Variants in UTRN observed in about 807,000 individuals in gnomAD.
UTRN encodes the protein dystrophin-related protein 1.
In UTRN, 283 loss-of-function variants were observed where a neutral mutation model predicts 463.9. The ratio of observed to expected loss-of-function variants is 0.61; its 90% CI spans 0.55 to 0.67. UTRN has a LOEUF of 0.67. Among genes scored for constraint, UTRN ranks in the 30% least tolerant of loss-of-function variants. The pLI, the probability that UTRN is intolerant of heterozygous loss-of-function variation, is 0.00. For synonymous variants in UTRN, 1,442 were observed against 1,431.5 expected, an observed-to-expected ratio of 1.01 and a Z score of -0.17; for missense variants, 3,922 against 4,084.3, an observed-to-expected ratio of 0.96 and a Z score of 1.08.
At chr6:144,647,682 G>C (rs1332718055) in intron 51 of UTRN, among the ~76,000 whole-genome samples, 1 of 152,236 alleles carries the variant, frequency 6.6e-6, no homozygotes, top group African/African-American at 2.4e-5. Flanking sequence ...ATGCGGGAAT[G>C]TCTCCTATAA....
chr6:144,667,439 G>A (rs901212580), intron 51 of UTRN, among the ~76,000 whole-genome samples: 16 of 152,240 alleles, frequency 1.1e-4, no homozygotes, highest in Middle Eastern at 3.4e-3. Context: ...AAGTTGTCTT[G>A]TGATTTTAGG....
At chr6:144,467,561 A>G (rs1300053754) in intron 23 of UTRN, among the ~76,000 whole-genome samples, 2 of 152,114 alleles carry the variant, frequency 1.3e-5, no homozygotes, top group African/African-American at 4.8e-5. Flanking sequence ...TCTTCCTTCA[A>G]CTGTTGAACA....
intron 48 of UTRN, among the ~76,000 whole-genome samples, chr6:144,553,413 G>A (rs140156682): frequency 6.6e-6 from 1 of 152,240 alleles, no homozygotes; most frequent in African/African-American, 2.4e-5. Context: ...TGATAACTCA[G>A]CTGGAATGTT....
intron 74 of UTRN, among the ~76,000 whole-genome samples, chr6:144,848,303 T>A (rs565301411): frequency 3.3e-5 from 5 of 152,192 alleles, no homozygotes; most frequent in Non-Finnish European, 7.3e-5. Flanking sequence ...TGCAGGGTTG[T>A]AAGTTGCCCT....
intron 51 of UTRN, among the ~76,000 whole-genome samples, chr6:144,664,781 A>G (rs1049112304): frequency 2.0e-5 from 3 of 151,766 alleles, no homozygotes; most frequent in Non-Finnish European, 2.9e-5. Context: ...GACAATTACT[A>G]TCCCAGAAAC....
chr6:144,458,547 G>A (rs1023093981), intron 19 of UTRN, among the ~76,000 whole-genome samples: 2 of 152,076 alleles, frequency 1.3e-5, no homozygotes, highest in African/African-American at 4.8e-5. Flanking sequence ...TGCCTGAATC[G>A]TTATTTTAAA....
chr6:144,316,364 A>G (rs1775288483), intron 2 of UTRN, among the ~76,000 whole-genome samples: 1 of 152,210 alleles, frequency 6.6e-6, no homozygotes, highest in South Asian at 2.1e-4. Flanking sequence ...TCATGTTGAA[A>G]GAAAACATCG....
chr6:144,704,404 A>C (rs1183566003), intron 53 of UTRN, among the ~76,000 whole-genome samples: 1 of 152,236 alleles, frequency 6.6e-6, no homozygotes, highest in Non-Finnish European at 1.5e-5. Flanking sequence ...TACTCGGTAT[A>C]GATTAGCTGA....
intron 2 of UTRN, among the ~76,000 whole-genome samples, chr6:144,399,946 C>T (rs1782790611): frequency 6.6e-6 from 1 of 152,170 alleles, no homozygotes; most frequent in African/African-American, 2.4e-5. Flanking sequence ...TCTGTGTGAG[C>T]ATGTCAAAAG....
intron 51 of UTRN, among the ~76,000 whole-genome samples, chr6:144,664,022 G>A (rs6901336): frequency 1.9e-3 from 288 of 152,298 alleles, no homozygotes; most frequent in Middle Eastern, 6.8e-3. Context: ...GGAGGATACA[G>A]ACAAGGACAT....
intron 65 of UTRN, among the ~76,000 whole-genome samples, chr6:144,812,363 G>T (rs1778697323): frequency 6.6e-6 from 1 of 152,064 alleles, no homozygotes; most frequent in South Asian, 2.1e-4. Flanking sequence ...CTGGGGGAAG[G>T]GGGTTAGCTT....
At chr6:144,684,136 A>G (rs1342149381) in intron 52 of UTRN, among the ~76,000 whole-genome samples, 2 of 141,022 alleles carry the variant, frequency 1.4e-5, no homozygotes, top group East Asian at 4.1e-4. Context: ...TGCAACCTCC[A>G]CCTCCTGGGT....
At chr6:144,327,666 G>T (rs1483912102) in intron 2 of UTRN, among the ~76,000 whole-genome samples, 2 of 152,288 alleles carry the variant, frequency 1.3e-5, no homozygotes, top group East Asian at 3.9e-4. Flanking sequence ...GGACTGGGCT[G>T]CTCATGGTGG....
At position 144,780,567 on chromosome 6, in the gene UTRN, T is replaced by C. The variant is rs537294076; in HGVS notation, c.8633-1355T>C. On this transcript the variant is annotated intron_variant, in intron 60 of 74. Transcript: ENST00000367545. ...GAGTCATCTCCACACTCAATAAATGTATAGATAGATACATGGTAGTTTGAT... is the reference window on the plus strand; with the variant it reads ...GAGTCATCTCCACACTCAATAAATGCATAGATAGATACATGGTAGTTTGAT... 9.6e-4 allele frequency among the ~76,000 whole-genome samples: 146 copies of C among 152,338 alleles called. 1 individual carries two copies. Among genetic ancestry groups the C allele is most frequent in the Middle Eastern group, 6.8e-3 (2 of 294 alleles).
chr6:144,393,816 T>G (rs902179886), intron 2 of UTRN, among the ~76,000 whole-genome samples: 1 of 152,182 alleles, frequency 6.6e-6, no homozygotes, highest in Non-Finnish European at 1.5e-5. Flanking sequence ...TTGGCAGATT[T>G]GTTTGAGGGG....
intron 23 of UTRN, among the ~76,000 whole-genome samples, chr6:144,464,918 C>G (rs1038260974): frequency 2.0e-5 from 3 of 152,166 alleles, no homozygotes; most frequent in Non-Finnish European, 4.4e-5. Flanking sequence ...ATGGTCCCAG[C>G]ATTGTATTAT....
intron 51 of UTRN, among the ~76,000 whole-genome samples, chr6:144,654,931 G>A (rs1311652233): frequency 6.8e-6 from 1 of 147,544 alleles, no homozygotes; most frequent in Non-Finnish European, 1.5e-5. Flanking sequence ...CCATTTTCCT[G>A]AAGAAGAAAA....
At chr6:144,838,937 T>A (rs117816885) in intron 71 of UTRN, 1 of 401,556 alleles carries the variant, frequency 2.5e-6, no homozygotes, top group Non-Finnish European at 4.5e-6. Flanking sequence ...ATAAAAATGG[T>A]GTTGATAAAT....
At chr6:144,676,633 G>A (rs1460991234) in intron 51 of UTRN, among the ~76,000 whole-genome samples, 7 of 151,578 alleles carry the variant, frequency 4.6e-5, no homozygotes, top group African/African-American at 9.7e-5. Context: ...CCATTAACCC[G>A]TCATCTACAT....
Sources: allele counts gnomAD v4.1 joint callset (sites outside exome capture counted in the v4.1 genomes callset), GRCh38; gene constraint gnomAD v4.1.1; transcripts MANE v1.5; gene names NCBI Gene and HGNC (gene_info 2026-07-23, HGNC 2026-07-21).